LINGO1: variants seen among roughly 807,000 people sequenced by gnomAD.
LINGO1 encodes the protein leucine rich repeat and Ig domain containing 1, also known as leucine-rich repeat and immunoglobulin-like domain-containing nogo receptor-interacting protein 1.
A neutral mutation model predicts 37.3 loss-of-function variants in LINGO1; 11 were observed. The observed-to-expected ratio is 0.29, with a 90% confidence interval of 0.19 to 0.49. The LOEUF is 0.49. LINGO1 is among the 20% of genes least tolerant of loss of function. The pLI, the probability that LINGO1 is intolerant of heterozygous loss-of-function variation, is 0.99. For missense variants in LINGO1, 585 were observed against 878.2 expected (o/e 0.67, Z 4.22); for synonymous variants, 387 against 403.0 (o/e 0.96, Z 0.48).
At chr15:77,689,722 T>C (rs1432647561) in intron 2 of LINGO1, among the ~76,000 whole-genome samples, 2 of 152,212 alleles carry the variant, frequency 1.3e-5, no homozygotes, top group Admixed American at 1.3e-4. Flanking sequence ...TCCCTTTCCC[T>C]GAGGCCCTGC....
At position 77,632,495 on chromosome 15, in the gene LINGO1, G is replaced by GGGAGCCGAGCC. The variant is rs1567472295; in HGVS notation, c.-191_-181dup. The GGGAGCCGAGCC allele has an allele frequency of 3.8e-6, 2 of 525,542 alleles. No homozygotes were observed. The highest frequency in any genetic ancestry group is 9.4e-5 in the South Asian group (1 of 10,592). 32.6% of individuals were successfully genotyped at this position (525,542 alleles called of 1,614,324 possible). ...GTCCGTCTGTCCGCCCCGCGCGGGC[G>GGGAGCCGAGCC]GGAGCCGAGCCGGAGCCGGGGCCGG... On this transcript the variant is annotated 5_prime_UTR_variant, in exon 1 of 2. Coordinates refer to ENST00000355300, the MANE Select transcript of LINGO1 (RefSeq NM_032808.7). This position sits in a 1 kb window ranked among gnomAD's most constrained non-coding sequence, Gnocchi z 6.0.
At chr15:77,702,345 C>T (rs1007689628) in intron 2 of LINGO1, among the ~76,000 whole-genome samples, 1 of 152,136 alleles carries the variant, frequency 6.6e-6, no homozygotes, top group Non-Finnish European at 1.5e-5. Context: ...GCTGCCTCTC[C>T]CCATGCCAAG....
intron 1 of LINGO1, among the ~76,000 whole-genome samples, chr15:77,758,593 G>T (rs2076443847): frequency 6.6e-6 from 1 of 152,180 alleles, no homozygotes; most frequent in Non-Finnish European, 1.5e-5. Flanking sequence ...GGACAGCCAA[G>T]CCTCGTATTC....
intron 3 of LINGO1, chr15:77,646,451 A>G (rs1472820680): frequency 4.4e-6 from 2 of 455,776 alleles, no homozygotes; most frequent in East Asian, 1.4e-4. Context: ...GAGGGAGGAG[A>G]CACTGGTGTG....
chr15:77,614,633 C>T lies in LINGO1; in HGVS notation c.1274G>A (p.Arg425His), dbSNP rs755355674. 136 of 1,610,928 alleles carry T rather than the reference C, an allele frequency of 8.4e-5. No individual in the cohort carries two copies. The highest frequency in any genetic ancestry group is 9.7e-5 in the Non-Finnish European group (114 of 1,178,886). ...LPNYFTCRRARIRDRKAQQVF... is the reference protein window; with the variant it reads ...LPNYFTCRRAHIRDRKAQQVF... ...CTGCTGGGCCTTGCGGTCCCGGATGCGGGCGCGGCGGCAGGTGAAGTAGTT... is the reference window on the plus strand; with the variant it reads ...CTGCTGGGCCTTGCGGTCCCGGATGTGGGCGCGGCGGCAGGTGAAGTAGTT... The change falls in exon 2 of 2, where the codon CGC becomes CAC. Residue 425 changes from arginine (R) to histidine (H), a missense_variant. Around this residue, in one of 4 missense-constraint regions of LINGO1, gnomAD observed 484 missense variants for 735.0 expected, o/e 0.66. Transcript: ENST00000355300.
upstream of LINGO1, among the ~76,000 whole-genome samples, chr15:77,636,741 G>A (rs2074404229): frequency 7.9e-5 from 12 of 152,274 alleles, no homozygotes; most frequent in South Asian, 2.5e-3. Context: ...CCCCTAAAAG[G>A]CTGAAGTCCA....
In LINGO1 at chr15:77,614,297, C is replaced by G. The variant is rs111605415; in HGVS notation, c.1610G>C (p.Gly537Ala). 1,661 of 1,613,904 alleles carry G rather than the reference C, an allele frequency of 1.0e-3. No homozygotes were observed. The highest frequency in any genetic ancestry group is 1.3e-3 in the Non-Finnish European group (1,529 of 1,179,908). Reference protein sequence around the residue: ...KTFAFISNQPGEGEANSTRAT... With the variant: ...KTFAFISNQPAEGEANSTRAT... Reference sequence around the variant, plus strand: ...GCGGGTGCTGTTGGCCTCTCCCTCGCCCGGCTGGTTGGAGATGAAAGCGAA... The same window carrying G: ...GCGGGTGCTGTTGGCCTCTCCCTCGGCCGGCTGGTTGGAGATGAAAGCGAA... Residue 537 changes from glycine to alanine, a missense_variant, in exon 2 of 2, where the codon GGC (glycine) becomes GCC (alanine). Gly to Ala is a moderately conservative substitution (Grantham distance 60, BLOSUM62 0). Around this residue, in one of 4 missense-constraint regions of LINGO1, gnomAD observed 484 missense variants for 735.0 expected, o/e 0.66. Coordinates refer to ENST00000355300, the MANE Select transcript of LINGO1 (RefSeq NM_032808.7).
At chr15:77,713,493 G>A (rs540209250) in intron 2 of LINGO1, among the ~76,000 whole-genome samples, 2 of 152,082 alleles carry the variant, frequency 1.3e-5, no homozygotes, top group East Asian at 1.9e-4. Context: ...GCAGCCAAGC[G>A]GGAGGCGTGG....
At chr15:77,724,449 C>T (rs2076082386) in intron 2 of LINGO1, among the ~76,000 whole-genome samples, 1 of 152,206 alleles carries the variant, frequency 6.6e-6, no homozygotes, top group Admixed American at 6.5e-5. Flanking sequence ...TCAGAAGACG[C>T]AACTAATGTC....
At chr15:77,726,011 T>C (rs2141322287) in intron 2 of LINGO1, among the ~76,000 whole-genome samples, 1 of 152,328 alleles carries the variant, frequency 6.6e-6, no homozygotes, top group East Asian at 1.9e-4. Flanking sequence ...AGCTCAGAGC[T>C]TCTGCCAGCT....
At chr15:77,729,362 G>T (rs192082389) in intron 2 of LINGO1, among the ~76,000 whole-genome samples, 2 of 152,366 alleles carry the variant, frequency 1.3e-5, no homozygotes, top group Admixed American at 1.3e-4. Flanking sequence ...CCTTGAGGAG[G>T]AGGGCAGAGC....
intron 2 of LINGO1, among the ~76,000 whole-genome samples, chr15:77,794,345 T>C (rs1351578273): frequency 8.2e-6 from 1 of 121,638 alleles, no homozygotes; most frequent in African/African-American, 3.2e-5. Flanking sequence ...TATACATACA[T>C]ATATACGTAT....
At chr15:77,771,710 T>TGTCCC in intron 1 of LINGO1, among the ~76,000 whole-genome samples, 1 of 152,126 alleles carries the variant, frequency 6.6e-6, no homozygotes, top group Non-Finnish European at 1.5e-5. Flanking sequence ...CAGGAAGGAA[T>TGTCCC]GGGACTCTGG....
chr15:77,745,245 T>A (rs1475408820), intron 1 of LINGO1, among the ~76,000 whole-genome samples: 1 of 151,216 alleles, frequency 6.6e-6, no homozygotes, highest in Non-Finnish European at 1.5e-5. Flanking sequence ...GCTAACATAG[T>A]GAAACTCCGT....
chr15:77,666,187 G>A (rs1298002825), intron 3 of LINGO1, among the ~76,000 whole-genome samples: 1 of 152,242 alleles, frequency 6.6e-6, no homozygotes, highest in African/African-American at 2.4e-5. Context: ...CTGTCTATGA[G>A]CTGAGACACA....
intron 1 of LINGO1, among the ~76,000 whole-genome samples, chr15:77,740,842 G>C (rs1369150679): frequency 6.6e-6 from 1 of 152,240 alleles, no homozygotes; most frequent in Non-Finnish European, 1.5e-5. Flanking sequence ...AAAAGGCCAG[G>C]AGGAGAAGGA....
intron 1 of LINGO1, among the ~76,000 whole-genome samples, chr15:77,798,711 G>A (rs2076893188): frequency 6.6e-6 from 1 of 152,240 alleles, no homozygotes; most frequent in Admixed American, 6.5e-5. Context: ...GGAGGGGGCT[G>A]CAGCCAAGGT....
chr15:77,621,902 G>T (rs2073933937), intron 1 of LINGO1, among the ~76,000 whole-genome samples: 1 of 152,168 alleles, frequency 6.6e-6, no homozygotes, highest in Non-Finnish European at 1.5e-5. Context: ...GGACCAGGGG[G>T]ACCCCCTGCA....
chr15:77,743,197 C>T (rs755180267), intron 1 of LINGO1, among the ~76,000 whole-genome samples: 4 of 152,146 alleles, frequency 2.6e-5, no homozygotes, highest in Non-Finnish European at 5.9e-5. Flanking sequence ...ACTGAGGAGT[C>T]GTAGGCAGCA....
Sources: gnomAD v4.1 joint callset for allele counts (sites outside exome capture counted in the v4.1 genomes callset) on GRCh38, gnomAD v4.1.1 for gene constraint, gnomAD v4.1.1 regional missense constraint, Gnocchi (gnomAD v3.1) non-coding constraint, MANE v1.5 for transcripts, NCBI Gene and HGNC (gene_info 2026-07-23, HGNC 2026-07-21) for gene names.